The following ADARB2 variants were observed in gnomAD, a reference collection of about 807,000 sequenced individuals.
ADARB2 encodes adenosine deaminase RNA specific B2 (inactive).
A neutral mutation model predicts 62.2 loss-of-function variants in ADARB2; 25 were observed. That is an observed-to-expected ratio of 0.40 (90% CI 0.29 to 0.56). The LOEUF (loss-of-function observed/expected upper bound fraction) is 0.56, where lower values mean the gene tolerates loss of function less well. Among genes scored for constraint, ADARB2 ranks in the 20% least tolerant of loss-of-function variants. The pLI, the probability that ADARB2 is intolerant of heterozygous loss-of-function variation, is 0.43. For missense variants in ADARB2, 1,071 were observed against 1,077.4 expected (o/e 0.99, Z 0.08); for synonymous variants, 572 against 500.8 (o/e 1.14, Z -1.90).
At chr10:1,656,204 A>G (rs1379517943) in intron 1 of ADARB2, among the ~76,000 whole-genome samples, 1 of 152,256 alleles carries the variant, frequency 6.6e-6, no homozygotes, top group Non-Finnish European at 1.5e-5. Context: ...CAAAATGGGC[A>G]TCAATTAAAA....
chr10:1,637,481 G>T (rs1270701540), intron 1 of ADARB2, among the ~76,000 whole-genome samples: 1 of 152,174 alleles, frequency 6.6e-6, no homozygotes, highest in African/African-American at 2.4e-5. Context: ...AAGGGTTTTT[G>T]TCTTAAATGA....
chr10:1,692,193 A>G (rs979231955), intron 1 of ADARB2, among the ~76,000 whole-genome samples: 2 of 152,240 alleles, frequency 1.3e-5, no homozygotes, highest in African/African-American at 4.8e-5. Flanking sequence ...GCTATCACCT[A>G]AAAGCATCAC....
At chr10:1,676,286 C>T (rs1208029240) in intron 1 of ADARB2, among the ~76,000 whole-genome samples, 2 of 151,922 alleles carry the variant, frequency 1.3e-5, no homozygotes, top group Admixed American at 1.3e-4. Flanking sequence ...GCTCACAGAC[C>T]CAAGGGCCTC....
chr10:1,263,261 C>T (rs1338810173), intron 4 of ADARB2, among the ~76,000 whole-genome samples: 1 of 152,076 alleles, frequency 6.6e-6, no homozygotes, highest in Non-Finnish European at 1.5e-5. Flanking sequence ...TGCACATGTA[C>T]CCTAAAACTT....
intron 1 of ADARB2, among the ~76,000 whole-genome samples, chr10:1,400,126 C>T (rs992104433): frequency 4.6e-5 from 7 of 152,300 alleles, no homozygotes; most frequent in African/African-American, 9.6e-5. Flanking sequence ...CACCGCTGAG[C>T]GTGGGCAGAG....
intron 1 of ADARB2, among the ~76,000 whole-genome samples, chr10:1,449,133 TC>T (rs1252188027): frequency 6.6e-6 from 1 of 152,066 alleles, no homozygotes; most frequent in Non-Finnish European, 1.5e-5. Context: ...TGAGACCAGG[TC>T]CCCCTCACCC....
intron 1 of ADARB2, among the ~76,000 whole-genome samples, chr10:1,480,255 T>C (rs1394299976): frequency 6.6e-6 from 1 of 152,228 alleles, no homozygotes; most frequent in Non-Finnish European, 1.5e-5. Flanking sequence ...AAATTATCTG[T>C]TTGCAGGTGA....
intron 4 of ADARB2, among the ~76,000 whole-genome samples, chr10:1,265,814 AG>A (rs1296035666): frequency 7.6e-6 from 1 of 131,810 alleles, no homozygotes; most frequent in African/African-American, 2.8e-5. Context: ...ACGGCCTGAG[AG>A]GGGGGCCCAG....
At chr10:1,506,327 G>C (rs72764939) in intron 1 of ADARB2, among the ~76,000 whole-genome samples, 2 of 151,912 alleles carry the variant, frequency 1.3e-5, no homozygotes, top group Admixed American at 1.3e-4. Flanking sequence ...TATTATTTAT[G>C]GGGGGGAAAT....
chr10:1,449,603 G>A (rs1831013437), intron 1 of ADARB2, among the ~76,000 whole-genome samples: 1 of 152,166 alleles, frequency 6.6e-6, no homozygotes, highest in South Asian at 2.1e-4. Context: ...ATTCCCAGAG[G>A]AGAAGCCGAA....
rs746581733 is a variant in ADARB2 at position 1,200,044 on chromosome 10, C to T, written c.1786G>A (p.Ala596Thr). The change falls in exon 8 of 10, where the codon GCA becomes ACA. Residue 596 changes from alanine (A) to threonine (T), a missense_variant. Coordinates refer to ENST00000381312, the MANE Select transcript of ADARB2 (RefSeq NM_018702.4). ...TCCATGCGGTGGCTCATGACGCGTG[C>T]GAGGTGGCCCGTGTGGTGCAGGCTG... ...VGSLHHTGHL[A>T]RVMSHRMEGV... 4 of 1,594,828 alleles carry T rather than the reference C, an allele frequency of 2.5e-6. No individual in the cohort carries two copies. Among genetic ancestry groups the T allele is most frequent in the African/African-American group, 2.7e-5 (2 of 74,756 alleles).
chr10:1,537,262 A>G (rs1397099173), intron 1 of ADARB2, among the ~76,000 whole-genome samples: 1 of 152,246 alleles, frequency 6.6e-6, no homozygotes, highest in Non-Finnish European at 1.5e-5. Flanking sequence ...CCACACTGAG[A>G]TGCCATCTCA....
chr10:1,660,857 A>C (rs951347317), intron 1 of ADARB2, among the ~76,000 whole-genome samples: 2 of 152,204 alleles, frequency 1.3e-5, no homozygotes, highest in African/African-American at 4.8e-5. Context: ...GACAAACGCC[A>C]CCATTTTAAG....
intron 1 of ADARB2, among the ~76,000 whole-genome samples, chr10:1,440,505 C>T (rs1830892938): frequency 6.6e-6 from 1 of 151,748 alleles, no homozygotes; most frequent in South Asian, 2.1e-4. Context: ...CCACGATATA[C>T]CCCCACATTG....
intron 1 of ADARB2, among the ~76,000 whole-genome samples, chr10:1,655,558 T>C (rs1834163273): frequency 6.6e-6 from 1 of 152,142 alleles, no homozygotes; most frequent in South Asian, 2.1e-4. Context: ...ACTATCAAAA[T>C]AAAGGAGTGC....
intron 6 of ADARB2, among the ~76,000 whole-genome samples, chr10:1,224,668 T>G (rs1202614639): frequency 6.6e-6 from 1 of 152,246 alleles, no homozygotes; most frequent in African/African-American, 2.4e-5. Flanking sequence ...TATTTCTGCC[T>G]TCATTTCATT....
At chr10:1,526,052 G>T (rs1355580385) in intron 1 of ADARB2, among the ~76,000 whole-genome samples, 2 of 152,194 alleles carry the variant, frequency 1.3e-5, no homozygotes. Context: ...CATCTGTGTT[G>T]AGGGGCTGTT....
chr10:1,549,834 C>T (rs953422186), intron 1 of ADARB2, among the ~76,000 whole-genome samples: 18 of 152,216 alleles, frequency 1.2e-4, no homozygotes, highest in East Asian at 5.8e-4. Context: ...ACTGCGATCC[C>T]GGAGAGACGG....
At chr10:1,690,576 G>A (rs1012300300) in intron 1 of ADARB2, among the ~76,000 whole-genome samples, 1 of 152,172 alleles carries the variant, frequency 6.6e-6, no homozygotes, top group Non-Finnish European at 1.5e-5. Context: ...GAGGGCTGGT[G>A]AAAAATAACT....
Sources: allele counts gnomAD v4.1 joint callset (sites outside exome capture counted in the v4.1 genomes callset), GRCh38; gene constraint gnomAD v4.1.1; transcripts MANE v1.5; gene names NCBI Gene and HGNC (gene_info 2026-07-23, HGNC 2026-07-21).